Variants in PGM5 observed in about 807,000 individuals in gnomAD.
PGM5 encodes phosphoglucomutase 5, also known as phosphoglucomutase-like protein 5.
In PGM5, 23 loss-of-function variants were observed where a neutral mutation model predicts 59.2. The ratio of observed to expected loss-of-function variants is 0.39; its 90% confidence interval spans 0.28 to 0.55. The LOEUF is 0.55. PGM5 is among the 20% of genes least tolerant of loss of function. The pLI is 0.66. For synonymous variants in PGM5, 214 were observed against 286.0 expected (o/e 0.75, Z 2.54); for missense variants, 574 against 748.3 (o/e 0.77, Z 2.72).
chr9:68,475,736 T>G (rs1261834442), intron 7 of PGM5, among the ~76,000 whole-genome samples: 1 of 152,230 alleles, frequency 6.6e-6, no homozygotes, highest in African/African-American at 2.4e-5. Context: ...GTTTTCTGTG[T>G]TACTAAAGAT....
rs370571711 is a variant in PGM5, at chr9:68,499,218, T to C, written c.1480-9T>C. The C allele has an allele frequency of 3.7e-6, 6 of 1,614,096 alleles. No homozygotes were observed. The African/African-American group carries it at 5.3e-5, about 14-fold the overall frequency. On this transcript the variant is annotated splice_polypyrimidine_tract_variant and intron_variant, in intron 9 of 10. Transcript: ENST00000396396. ...CTCACTGCTCCATTCTGGATGTTCT[T>C]GGTCTCAGGGCCTAAGGATCATTTT...
chr9:68,483,879 G>T lies in PGM5; in HGVS notation c.1310G>T (p.Gly437Val), dbSNP rs782070590. The part of the protein sequence containing the change: ...RHYYCRFDYE[G>V]LDPKTTYYIM... ...GTCCTCACCAGGTTTGACTATGAGG[G>T]GTTGGATCCCAAGACGACATATTAT... The change falls in exon 9 of 11, where the codon GGG (glycine) becomes GTG (valine). Residue 437 changes from glycine to valine, a missense_variant. Physicochemically the swap from Gly to Val is moderately radical, Grantham distance 109 (BLOSUM62 -3). Coordinates refer to ENST00000396396, the MANE Select transcript of PGM5 (RefSeq NM_021965.4). 1 of 1,614,054 alleles carries T rather than the reference G, an allele frequency of 6.2e-7. No homozygotes were observed. Among genetic ancestry groups the T allele is most frequent in the East Asian group, 2.2e-5 (1 of 44,878 alleles).
At chr9:68,379,023 T>C (rs1442850745) in intron 2 of PGM5, among the ~76,000 whole-genome samples, 6 of 152,212 alleles carry the variant, frequency 3.9e-5, no homozygotes, top group African/African-American at 1.4e-4. Context: ...AAGCAAATTA[T>C]AGCACGAGAA....
intron 10 of PGM5, among the ~76,000 whole-genome samples, chr9:68,515,052 T>C (rs1271511701): frequency 2.6e-5 from 4 of 152,254 alleles, no homozygotes; most frequent in Non-Finnish European, 4.4e-5. Flanking sequence ...AAGTTCTAAT[T>C]TGATTTTGCC....
At chr9:68,471,346 GT>G (rs1410743869) in intron 7 of PGM5, among the ~76,000 whole-genome samples, 1 of 152,250 alleles carries the variant, frequency 6.6e-6, no homozygotes, top group Non-Finnish European at 1.5e-5. Context: ...AATCCCTAAA[GT>G]TGTGCTTCGA....
intron 7 of PGM5, among the ~76,000 whole-genome samples, chr9:68,478,616 T>C (rs1447338054): frequency 6.6e-6 from 1 of 152,224 alleles, no homozygotes; most frequent in Non-Finnish European, 1.5e-5. Flanking sequence ...GGATTCCCCT[T>C]GCCTCTTTCA....
intron 9 of PGM5, among the ~76,000 whole-genome samples, chr9:68,491,726 G>T (rs1488189741): frequency 6.6e-6 from 1 of 152,174 alleles, no homozygotes; most frequent in Non-Finnish European, 1.5e-5. Context: ...GGGAAGCTGG[G>T]TGCAATGGCT....
chr9:68,379,476 C>A (rs547671902), intron 2 of PGM5, among the ~76,000 whole-genome samples: 1 of 152,146 alleles, frequency 6.6e-6, no homozygotes, highest in East Asian at 1.9e-4. Context: ...AATATTGTAA[C>A]CACAAAGCAG....
At chr9:68,432,731 G>A (rs996056013) in intron 6 of PGM5, among the ~76,000 whole-genome samples, 7 of 151,710 alleles carry the variant, frequency 4.6e-5, no homozygotes, top group East Asian at 3.9e-4. Flanking sequence ...TCATCTTCCC[G>A]AGTAGCTGGG....
At chr9:68,472,570 A>T (rs1824039180) in intron 7 of PGM5, among the ~76,000 whole-genome samples, 1 of 152,214 alleles carries the variant, frequency 6.6e-6, no homozygotes. Context: ...TTCCATCATG[A>T]TATTTCAGGT....
At chr9:68,433,861 G>A (rs1564004665) in intron 6 of PGM5, among the ~76,000 whole-genome samples, 1 of 152,194 alleles carries the variant, frequency 6.6e-6, no homozygotes, top group Non-Finnish European at 1.5e-5. Flanking sequence ...GCTTTTTGAA[G>A]GCTCAGGGCC....
At chr9:68,426,351 T>G (rs782015153) in intron 6 of PGM5, among the ~76,000 whole-genome samples, 1 of 152,192 alleles carries the variant, frequency 6.6e-6, no homozygotes, top group African/African-American at 2.4e-5. Context: ...AAAAGACTCT[T>G]ATAACCTTCA....
At position 68,406,200 on chromosome 9, in the gene PGM5, G is replaced by T. The variant is rs1281807445; in HGVS notation, c.1043+13727G>T. On this transcript the variant is annotated intron_variant, in intron 6 of 10. Coordinates refer to ENST00000396396, the MANE Select transcript of PGM5 (RefSeq NM_021965.4). ...CTGCCTTCTGACTTTATGACCTTGGGCTGTTTACCTAACTTCTCAGGGTGT... is the reference window on the plus strand; with the variant it reads ...CTGCCTTCTGACTTTATGACCTTGGTCTGTTTACCTAACTTCTCAGGGTGT... The T allele has an allele frequency of 1.2e-4, 19 of 152,068 alleles. 1 individual carries two copies. Among genetic ancestry groups the T allele is most frequent in the Admixed American group, 1.0e-3 (16 of 15,266 alleles). The allele number at this position is 152,068 out of a possible 1,614,324, so 9.4% of individuals were successfully genotyped here.
At chr9:68,464,478 A>G (rs1587818628) in intron 6 of PGM5, 1 of 152,354 alleles carries the variant, frequency 6.6e-6, no homozygotes, top group African/African-American at 2.4e-5. Flanking sequence ...CCTTTATACC[A>G]GTCATTGCAT....
At chr9:68,401,929 G>A (rs13440042) in intron 6 of PGM5, among the ~76,000 whole-genome samples, 1,597 of 53,860 alleles carry the variant, frequency 0.03, 10 homozygotes, top group Admixed American at 0.036. Context: ...GTGTGTGTGT[G>A]TATATATTTG....
intron 6 of PGM5, among the ~76,000 whole-genome samples, chr9:68,400,137 G>T (rs1822628521): frequency 6.6e-6 from 1 of 151,762 alleles, no homozygotes; most frequent in Non-Finnish European, 1.5e-5. Context: ...TTCCTCTTCT[G>T]TACTGTCCCA....
chr9:68,375,190 C>T (rs1271637253), intron 1 of PGM5, among the ~76,000 whole-genome samples: 2 of 152,140 alleles, frequency 1.3e-5, no homozygotes, highest in Admixed American at 6.5e-5. Flanking sequence ...AGTGTCCATG[C>T]CATTTATGGC....
At chr9:68,409,221 A>G (rs1238909374) in intron 6 of PGM5, among the ~76,000 whole-genome samples, 1 of 142,110 alleles carries the variant, frequency 7.0e-6, no homozygotes, top group Non-Finnish European at 1.5e-5. Flanking sequence ...AAAGTCAGGA[A>G]ACAACAGGTG....
intron 10 of PGM5, among the ~76,000 whole-genome samples, chr9:68,529,127 A>G (rs1433623970): frequency 6.6e-6 from 1 of 151,166 alleles, no homozygotes; most frequent in East Asian, 1.9e-4. Context: ...GGTTCTTTAA[A>G]TCCATGGCCC....
Sources: allele counts gnomAD v4.1 joint callset (sites outside exome capture counted in the v4.1 genomes callset), GRCh38; gene constraint gnomAD v4.1.1; transcripts MANE v1.5; gene names NCBI Gene and HGNC (gene_info 2026-07-23, HGNC 2026-07-21).